C12orf76: variants seen among roughly 807,000 people sequenced by gnomAD.
The protein encoded by C12orf76 is chromosome 12 open reading frame 76, also known as uncharacterized protein C12orf76.
In C12orf76, 6 loss-of-function variants were observed where a neutral mutation model predicts 6.8. That is an observed-to-expected ratio of 0.88 (90% CI 0.48 to 1.73). The LOEUF (loss-of-function observed/expected upper bound fraction) is 1.73, where lower values mean the gene tolerates loss of function less well. Ranked by LOEUF, C12orf76 falls within the 40% of genes most tolerant of loss-of-function variation. The probability of loss-of-function intolerance (pLI) is 0.01; values close to 1 mark genes in which losing one functional copy is unlikely to be tolerated. For synonymous variants in C12orf76, 56 were observed against 43.7 expected, an observed-to-expected ratio of 1.28 and a Z score of -1.11; for missense variants, 99 against 98.2, an observed-to-expected ratio of 1.01 and a Z score of -0.03.
At chr12:110,059,314 T>G (rs897659721) in intron 2 of C12orf76, 1 of 997,456 alleles carries the variant, frequency 1.0e-6, no homozygotes, top group East Asian at 2.7e-5. Context: ...CCATCTGTGA[T>G]TAAAGATAGT....
intron 2 of C12orf76, among the ~76,000 whole-genome samples, chr12:110,063,391 T>C (rs1458071406): frequency 6.7e-6 from 1 of 150,170 alleles, no homozygotes; most frequent in Non-Finnish European, 1.5e-5. Flanking sequence ...TCAAGCGATT[T>C]TCCTGCCTCA....
intron 2 of C12orf76, among the ~76,000 whole-genome samples, chr12:110,062,043 C>A (rs1285605046): frequency 6.6e-6 from 1 of 151,938 alleles, no homozygotes; most frequent in Non-Finnish European, 1.5e-5. Flanking sequence ...GTGGGTGGAT[C>A]ATTTGAAGTC....
chr12:110,045,939 A>G, intron 1 of C12orf76: 1 of 218,706 alleles, frequency 4.6e-6, no homozygotes, highest in South Asian at 5.3e-5. Context: ...AGATTGGGCA[A>G]CAGAGTGAGA....
At chr12:110,066,628 C>T (rs1892868670) in intron 1 of C12orf76, among the ~76,000 whole-genome samples, 1 of 151,978 alleles carries the variant, frequency 6.6e-6, no homozygotes, top group Non-Finnish European at 1.5e-5. Flanking sequence ...GCGGAGGTTG[C>T]CGTGAGCCAA....
At chr12:110,060,635 G>A (rs943574061) in intron 2 of C12orf76, among the ~76,000 whole-genome samples, 11 of 151,796 alleles carry the variant, frequency 7.2e-5, no homozygotes, top group Non-Finnish European at 1.2e-4. Flanking sequence ...GCCCTTCTCC[G>A]GGGTCGGTTC....
upstream of C12orf76, chr12:110,049,839 T>C (rs1428733499): frequency 2.0e-5 from 3 of 152,226 alleles, no homozygotes; most frequent in Admixed American, 6.5e-5. Context: ...AGACATTGTA[T>C]AGAAGAACGT....
chr12:110,067,058 G>C (rs1322590582), intron 1 of C12orf76, among the ~76,000 whole-genome samples: 1 of 152,190 alleles, frequency 6.6e-6, no homozygotes. Context: ...CATTGGAAAA[G>C]CTTCTGTGAG....
exon 1 of C12orf76, chr12:110,073,611 GC>G: frequency 2.3e-6 from 1 of 438,208 alleles, no homozygotes; most frequent in Non-Finnish European, 4.5e-6. Flanking sequence ...GCCACAGCAA[GC>G]CCCCTCCCAG....
intron 4 of C12orf76, among the ~76,000 whole-genome samples, chr12:110,055,037 T>A (rs1892645604): frequency 6.6e-6 from 1 of 152,192 alleles, no homozygotes; most frequent in African/African-American, 2.4e-5. Context: ...GGAGCAAAAC[T>A]GGATTAGTAA....
intron 2 of C12orf76, among the ~76,000 whole-genome samples, chr12:110,062,380 T>C (rs1892784755): frequency 6.6e-6 from 1 of 152,118 alleles, no homozygotes; most frequent in South Asian, 2.1e-4. Context: ...TATAGAGGCA[T>C]AGAGTAGATT....
At chr12:110,044,896 C>G (rs1265082579) in intron 1 of C12orf76, among the ~76,000 whole-genome samples, 3 of 151,986 alleles carry the variant, frequency 2.0e-5, no homozygotes, top group Non-Finnish European at 4.4e-5. Flanking sequence ...TTTCTTGAAC[C>G]CGGGAGGCGG....
upstream of C12orf76, chr12:110,050,846 A>G: frequency 2.0e-5 from 12 of 604,876 alleles, no homozygotes; most frequent in South Asian, 2.2e-4. Context: ...TTCTTGCGCT[A>G]GATCCAAGAA....
chr12:110,062,133 G>A (rs558031703), intron 2 of C12orf76, among the ~76,000 whole-genome samples: 50 of 152,030 alleles, frequency 3.3e-4, no homozygotes, highest in South Asian at 1.0e-3. Flanking sequence ...GCGTGGTGGC[G>A]CACGCCTGTA....
intron 1 of C12orf76, among the ~76,000 whole-genome samples, chr12:110,045,370 A>C (rs56029956): frequency 0.083 from 12,569 of 152,240 alleles, 556 homozygotes; most frequent in Middle Eastern, 0.13. Context: ...GGCGGATCAC[A>C]AGATCAGGAG....
chr12:110,057,329 G>C (rs1892686956), intron 3 of C12orf76: 1 of 1,453,184 alleles, frequency 6.9e-7, no homozygotes, highest in Non-Finnish European at 9.6e-7. Context: ...ACACCAAAGG[G>C]CTGAGCCTCC....
At chr12:110,050,426 C>A, upstream of C12orf76, 1 of 153,874 alleles carries the variant, frequency 6.5e-6, no homozygotes, top group Non-Finnish European at 1.4e-5. Context: ...GGCTGAATTC[C>A]CAGACGGTTA....
Position 110,048,278 on chromosome 12 carries a change from CCG to C in C12orf76, c.133+83_133+84del, listed in dbSNP as rs540452836. 2.8e-4 allele frequency: 389 copies of C among 1,398,964 alleles called. No homozygotes were observed. In the African/African-American group the frequency reaches 4.7e-3, roughly 17 times the overall value. The allele number at this position is 1,398,964 out of a possible 1,614,324, so 86.7% of individuals were successfully genotyped here. A position where few individuals can be genotyped will look rare whatever the true frequency, so the allele number is the denominator to read the frequency against. On this transcript the variant is annotated intron_variant, in intron 1 of 1. Transcript: ENST00000615315. ...CCCATCTCCCCACTCTATCCCCTGT[CCG>C]CTCCGTACATGCCCGGCTCCAGCAC... is the stretch of plus-strand genomic sequence containing the variant.
At chr12:110,044,159 C>A (rs1266778747) in intron 1 of C12orf76, 1 of 152,190 alleles carries the variant, frequency 6.6e-6, no homozygotes, top group Admixed American at 6.6e-5. Flanking sequence ...AGCAAATGTA[C>A]ACTGATGTGT....
At chr12:110,071,488 CAT>C (rs2137243888), upstream of C12orf76, among the ~76,000 whole-genome samples, 1 of 152,102 alleles carries the variant, frequency 6.6e-6, no homozygotes, top group East Asian at 1.9e-4. Context: ...TGTCAATCAT[CAT>C]GATAAGGGCT....
Sources: allele counts gnomAD v4.1 joint callset (sites outside exome capture counted in the v4.1 genomes callset), GRCh38; gene constraint gnomAD v4.1.1; transcripts MANE v1.5; gene names NCBI Gene and HGNC (gene_info 2026-07-23, HGNC 2026-07-21).